Variants in IFT122 observed in about 807,000 individuals in gnomAD.
The protein encoded by IFT122 is intraflagellar transport protein 122 homolog.
A neutral mutation model predicts 161.6 loss-of-function variants in IFT122; 118 were observed. The ratio of observed to expected loss-of-function variants is 0.73; its 90% CI spans 0.63 to 0.85. IFT122 has a LOEUF of 0.85. IFT122 is among the 40% of genes least tolerant of loss of function. The probability of loss-of-function intolerance (pLI) is 0.00; values close to 1 mark genes in which losing one functional copy is unlikely to be tolerated. For missense variants in IFT122, 1,381 were observed against 1,579.6 expected, an observed-to-expected ratio of 0.87 and a Z score of 2.13; for synonymous variants, 550 against 602.4, an observed-to-expected ratio of 0.91 and a Z score of 1.27.
At position 129,481,631 on chromosome 3, in the gene IFT122, C is replaced by G. The variant is rs755545448; in HGVS notation, c.1590C>G (p.Ala530=). The change falls in exon 14 of 30, where the codon GCC becomes GCG. Residue 530 remains alanine (A), a synonymous_variant. Transcript: ENST00000348417. ...TGAGTGCCTCCCGTAAGAAGCTGGC[C>G]GTGGTAGATGAAAATGACACTTGCC... ...LDMSASRKKL[A]VVDENDTCLV... is the part of the protein sequence containing the mutation. 1 of 1,610,496 alleles carries G rather than the reference C, an allele frequency of 6.2e-7. No individual in the cohort carries two copies.
chr3:129,496,033 T>G (rs1018471307), intron 18 of IFT122, among the ~76,000 whole-genome samples: 32 of 152,354 alleles, frequency 2.1e-4, no homozygotes, highest in East Asian at 7.7e-4. Context: ...GCCAGCCAAG[T>G]TTCCCATAGC....
At chr3:129,497,537 C>T (rs1028114136) in intron 18 of IFT122, among the ~76,000 whole-genome samples, 3 of 152,220 alleles carry the variant, frequency 2.0e-5, no homozygotes, top group Non-Finnish European at 4.4e-5. Context: ...CTCTCCCTGG[C>T]TGGCCCCACT....
At chr3:129,481,253 A>T (rs2078604009) in intron 13 of IFT122, 2 of 424,460 alleles carry the variant, frequency 4.7e-6, no homozygotes, top group Non-Finnish European at 4.5e-6. Flanking sequence ...GTCATCAACA[A>T]ATCCCCAGTC....
chr3:129,460,140 T>C (rs1019656501), intron 4 of IFT122, among the ~76,000 whole-genome samples: 4 of 152,214 alleles, frequency 2.6e-5, no homozygotes, highest in Admixed American at 1.3e-4. Flanking sequence ...TACATTTACA[T>C]TGTTGTGCAA....
chr3:129,520,037 A>G (rs2084557970), intron 29 of IFT122, 139 bp from the exon 30 acceptor site: 3 of 757,438 alleles, frequency 4.0e-6, no homozygotes, highest in Non-Finnish European at 4.6e-6. Context: ...CCAGCCCTCA[A>G]ACAAAGGTGC....
intron 17 of IFT122, among the ~76,000 whole-genome samples, chr3:129,492,441 T>G (rs2080244713): frequency 6.6e-6 from 1 of 152,180 alleles, no homozygotes; most frequent in Non-Finnish European, 1.5e-5. Context: ...AGGGTTGGGT[T>G]TCTAGTCTGT....
intron 26 of IFT122, 115 bp from the exon 27 acceptor site, chr3:129,517,354 C>T (rs891926650): frequency 2.2e-5 from 31 of 1,390,264 alleles, no homozygotes; most frequent in Non-Finnish European, 2.8e-5. Context: ...CCTCTTCTTG[C>T]TTTTGGTGAA....
Position 129,499,958 on chromosome 3 carries a change from T to G in IFT122, c.2265T>G (p.Ala755=), listed in dbSNP as rs2108519756. The change falls in exon 19 of 30, where the codon GCT becomes GCG. Residue 755 remains alanine, a synonymous_variant. Coordinates refer to ENST00000348417, the MANE Select transcript of IFT122 (RefSeq NM_052989.3). ...KETKMLITKQ[A]DWARNIKEPK... ...CAAAGATGCTAATCACCAAACAGGC[T>G]GACTGGGCCAGAAATATCAAGGAGC... The G allele has an allele frequency of 6.2e-7, 1 of 1,614,220 alleles. No homozygotes were observed. The highest frequency in any genetic ancestry group is 2.2e-5 in the East Asian group (1 of 44,890).
chr3:129,487,757 C>G (rs1434210389), intron 15 of IFT122: 1 of 234,940 alleles, frequency 4.3e-6, no homozygotes, highest in African/African-American at 2.3e-5. Flanking sequence ...CCACTGCCCA[C>G]GGCTGTGCAC....
intron 8 of IFT122, among the ~76,000 whole-genome samples, chr3:129,468,852 C>A (rs1243394498): frequency 1.3e-5 from 2 of 152,218 alleles, no homozygotes; most frequent in East Asian, 1.9e-4. Flanking sequence ...GCAAGGACCC[C>A]CGCCTGCAGG....
chr3:129,510,229 C>T (rs912914149), intron 23 of IFT122, among the ~76,000 whole-genome samples: 1 of 152,218 alleles, frequency 6.6e-6, no homozygotes, highest in African/African-American at 2.4e-5. Context: ...CCCAGCCTTC[C>T]CGCCGTTCTT....
At chr3:129,455,962 G>C (rs2075428816) in intron 3 of IFT122, among the ~76,000 whole-genome samples, 1 of 151,970 alleles carries the variant, frequency 6.6e-6, no homozygotes, top group Admixed American at 6.6e-5. Flanking sequence ...GGGAGACAGA[G>C]GCAAAAGAAA....
At chr3:129,495,731 T>C (rs1415952578) in intron 18 of IFT122, 124 bp downstream of exon 18, 1 of 1,169,562 alleles carries the variant, frequency 8.6e-7, no homozygotes, top group Admixed American at 1.8e-5. Flanking sequence ...TCAGAAAGGA[T>C]GTGGGGAAAC....
intron 4 of IFT122, among the ~76,000 whole-genome samples, chr3:129,459,873 C>T (rs189649673): frequency 6.6e-6 from 1 of 151,940 alleles, no homozygotes; most frequent in East Asian, 1.9e-4. Flanking sequence ...CTTACTTCAG[C>T]TTCCCAAATA....
chr3:129,443,719 A>G (rs566346759), intron 1 of IFT122, among the ~76,000 whole-genome samples: 2 of 152,374 alleles, frequency 1.3e-5, no homozygotes, highest in South Asian at 2.1e-4. Context: ...AGAAGACTGT[A>G]TAAGTCAGAG....
chr3:129,499,272 G>A (rs1298221978), intron 18 of IFT122, among the ~76,000 whole-genome samples: 1 of 152,214 alleles, frequency 6.6e-6, no homozygotes, highest in East Asian at 1.9e-4. Flanking sequence ...AGTAACTGGG[G>A]CAAAGACAAT....
At chr3:129,466,076 T>A (rs1292018425) in intron 7 of IFT122, among the ~76,000 whole-genome samples, 1 of 152,186 alleles carries the variant, frequency 6.6e-6, no homozygotes, top group Non-Finnish European at 1.5e-5. Flanking sequence ...CCCAAAGTGC[T>A]GAGATTACAG....
chr3:129,491,779 C>T (rs2080125621), intron 16 of IFT122, among the ~76,000 whole-genome samples: 1 of 152,156 alleles, frequency 6.6e-6, no homozygotes, highest in Non-Finnish European at 1.5e-5. Flanking sequence ...CTCATCCTCT[C>T]CTGCTGTGAT....
chr3:129,520,182 C>T lies in IFT122; in HGVS notation c.3643C>T (p.His1215Tyr). The change falls in exon 30 of 30, where the codon CAT (histidine) becomes TAT (tyrosine). Residue 1215 changes from histidine (H) to tyrosine (Y), a missense_variant. By Grantham distance (83) the His-to-Tyr change is moderately conservative. Coordinates refer to ENST00000348417, the MANE Select transcript of IFT122 (RefSeq NM_052989.3). Reference sequence around the variant, plus strand: ...TACAGCTGTCTTCCCTTAGATGTTCCATTCTGAGGACTATGAGTTGCTGGT... The same window carrying T: ...TACAGCTGTCTTCCCTTAGATGTTCTATTCTGAGGACTATGAGTTGCTGGT... ...TMCPSCFQMF[H>Y]SEDYELLVLQ... 1 of 1,611,226 alleles carries T rather than the reference C, an allele frequency of 6.2e-7. No homozygotes were observed. Among genetic ancestry groups the T allele is most frequent in the Non-Finnish European group, 8.5e-7 (1 of 1,179,138 alleles).
Sources: allele counts gnomAD v4.1 joint callset (sites outside exome capture counted in the v4.1 genomes callset), GRCh38; gene constraint gnomAD v4.1.1; transcripts MANE v1.5; gene names NCBI Gene and HGNC (gene_info 2026-07-23, HGNC 2026-07-21).